The following CRACR2A variants were observed in gnomAD, a reference collection of about 807,000 sequenced individuals.
CRACR2A encodes calcium release activated channel regulator 2A.
In CRACR2A, 79 loss-of-function variants were observed where a neutral mutation model predicts 90.5. The observed-to-expected ratio is 0.87, with a 90% CI of 0.73 to 1.05. CRACR2A has a LOEUF of 1.05. Among genes scored for constraint, CRACR2A ranks in the 50% least tolerant of loss-of-function variants. The probability of loss-of-function intolerance (pLI) is 0.00; values close to 1 mark genes in which losing one functional copy is unlikely to be tolerated. For synonymous variants in CRACR2A, 338 were observed against 356.7 expected (o/e 0.95, Z 0.59); for missense variants, 823 against 897.2 (o/e 0.92, Z 1.06).
Position 3,656,296 on chromosome 12 carries a change from T to C in CRACR2A, c.858+15A>G. 1.2e-6 allele frequency: 2 copies of C among 1,613,580 alleles called. No individual in the cohort carries two copies. Among genetic ancestry groups the C allele is most frequent in the South Asian group, 1.1e-5 (1 of 91,076 alleles). On this transcript the variant is annotated intron_variant, in intron 9 of 19. Transcript: ENST00000440314. ...TGAAGAGCCAGGTACTCTGGGGCCA[T>C]GGATGGCAACATACCCTTTTCTGCT...
chr12:3,713,424 A>G, intron 2 of CRACR2A, 107 bp from the exon 3 acceptor site: 3 of 368,140 alleles, frequency 8.1e-6, no homozygotes, highest in Non-Finnish European at 1.1e-5. Flanking sequence ...CATTGCTCCT[A>G]CCGCATTGCA....
chr12:3,642,571 C>T (rs1944594210), intron 12 of CRACR2A, among the ~76,000 whole-genome samples: 1 of 152,178 alleles, frequency 6.6e-6, no homozygotes, highest in Non-Finnish European at 1.5e-5. Flanking sequence ...ATCTTTAATT[C>T]ACACTCTTCT....
rs1945018666 is a variant in CRACR2A, at chr12:3,660,865, CACACACACACACACACACACACAA to C, written c.672-1235_672-1212del. ...ACACACACACACACACACACACACA[CACACACACACACACACACACACAA>C]TTTTGGCCCCTGCCATTCTAACTTA... is the stretch of plus-strand genomic sequence containing the variant. On this transcript the variant is annotated intron_variant, in intron 7 of 19. Coordinates refer to ENST00000440314, the MANE Select transcript of CRACR2A (RefSeq NM_001144958.2). Among the ~76,000 whole-genome samples the C allele has an allele frequency of 2.0e-5, 3 of 147,282 alleles. No individual in the cohort carries two copies. The South Asian group carries it at 6.6e-4, about 33-fold the overall frequency.
rs571781166 is a variant in CRACR2A at position 3,751,919 on chromosome 12, T to A, written c.-387+1096A>T. ...ATACTAAACCATGAGGTTGTACATA[T>A]TCATTTCACCTGAAAAGGGGCATGA... On this transcript the variant is annotated intron_variant, in intron 1 of 19. Coordinates refer to ENST00000440314, the MANE Select transcript of CRACR2A (RefSeq NM_001144958.2). 3.9e-5 allele frequency among the ~76,000 whole-genome samples: 6 copies of A among 152,316 alleles called. No homozygotes were observed. The South Asian group carries it at 8.3e-4, about 21-fold the overall frequency.
At chr12:3,654,597 G>A (rs1944865360) in intron 9 of CRACR2A, among the ~76,000 whole-genome samples, 198 bp from the exon 10 acceptor site, 1 of 152,188 alleles carries the variant, frequency 6.6e-6, no homozygotes, top group Admixed American at 6.5e-5. Flanking sequence ...GGAGCTTTCA[G>A]ACACATCTTG....
At chr12:3,635,891 A>G (rs1322653186) in intron 14 of CRACR2A, among the ~76,000 whole-genome samples, 1 of 152,170 alleles carries the variant, frequency 6.6e-6, no homozygotes, top group African/African-American at 2.4e-5. Flanking sequence ...ACTTTTCTTT[A>G]TATCATCTTT....
At chr12:3,672,890 G>A (rs969015139) in intron 7 of CRACR2A, 23 of 764,762 alleles carry the variant, frequency 3.0e-5, no homozygotes, top group African/African-American at 3.8e-5. Context: ...GGGAGAGAGC[G>A]GCCAGGAGGA....
At chr12:3,648,877 C>T (rs570258310) in intron 10 of CRACR2A, among the ~76,000 whole-genome samples, 157 of 152,286 alleles carry the variant, frequency 1.0e-3, no homozygotes, top group African/African-American at 3.4e-3. Flanking sequence ...AGACAATCCG[C>T]GACTGAACCA....
At chr12:3,737,441 C>G (rs1460056723) in intron 1 of CRACR2A, among the ~76,000 whole-genome samples, 1 of 152,122 alleles carries the variant, frequency 6.6e-6, no homozygotes, top group Non-Finnish European at 1.5e-5. Context: ...AAGTTAAAAT[C>G]TAAAAGGTTG....
intron 17 of CRACR2A, among the ~76,000 whole-genome samples, chr12:3,625,246 C>T (rs939147760): frequency 3.9e-5 from 6 of 152,070 alleles, no homozygotes; most frequent in Admixed American, 2.6e-4. Context: ...AGCCACACGC[C>T]GCTGATGATT....
intron 1 of CRACR2A, among the ~76,000 whole-genome samples, chr12:3,735,761 C>G (rs1416123738): frequency 2.0e-5 from 3 of 152,190 alleles, no homozygotes; most frequent in Non-Finnish European, 4.4e-5. Context: ...AGAGAAGCCC[C>G]CGCAGCCCCT....
At chr12:3,747,358 C>G (rs1252789354) in intron 1 of CRACR2A, among the ~76,000 whole-genome samples, 2 of 152,208 alleles carry the variant, frequency 1.3e-5, no homozygotes, top group African/African-American at 4.8e-5. Context: ...TTCTGTGCAT[C>G]AACCTTGAGG....
chr12:3,665,387 G>T (rs1945113528), intron 7 of CRACR2A, among the ~76,000 whole-genome samples: 1 of 152,178 alleles, frequency 6.6e-6, no homozygotes, highest in African/African-American at 2.4e-5. Context: ...TCAAGTCTTG[G>T]TTCTGACATT....
intron 11 of CRACR2A, chr12:3,648,274 A>T (rs1944726649): frequency 1.5e-6 from 2 of 1,372,966 alleles, no homozygotes; most frequent in Middle Eastern, 2.7e-4. Context: ...AGTACCAAGC[A>T]CAGTCCTGTG....
In CRACR2A at chr12:3,680,365, A is replaced by G; in HGVS notation, c.229-16T>C. On this transcript the variant is annotated splice_polypyrimidine_tract_variant and intron_variant, in intron 4 of 19. Transcript: ENST00000440314. Reference sequence around the variant, plus strand: ...TATGCAGCCTCTGAAAACAACCCAGAGTGTACTGGTTAACACTGACACTCA... The same window carrying G: ...TATGCAGCCTCTGAAAACAACCCAGGGTGTACTGGTTAACACTGACACTCA... 1 of 1,606,784 alleles carries G rather than the reference A, an allele frequency of 6.2e-7. No individual in the cohort carries two copies. Among genetic ancestry groups the G allele is most frequent in the South Asian group, 1.1e-5 (1 of 90,636 alleles).
intron 4 of CRACR2A, among the ~76,000 whole-genome samples, 168 bp from the exon 5 acceptor site, chr12:3,680,517 T>C (rs1195064905): frequency 6.6e-6 from 1 of 152,208 alleles, no homozygotes; most frequent in East Asian, 1.9e-4. Context: ...TCTCCTCCTT[T>C]GCATGTTAGC....
chr12:3,740,806 T>A (rs1946513276), intron 1 of CRACR2A, among the ~76,000 whole-genome samples: 1 of 152,238 alleles, frequency 6.6e-6, no homozygotes, highest in Non-Finnish European at 1.5e-5. Context: ...CCATGTGACC[T>A]CGAGCAAGTT....
intron 7 of CRACR2A, among the ~76,000 whole-genome samples, chr12:3,673,054 C>T (rs143046864): frequency 1.1e-3 from 169 of 152,316 alleles, no homozygotes; most frequent in African/African-American, 3.9e-3. Flanking sequence ...ACCTGGCTAG[C>T]TCACTCCCAG....
chr12:3,741,710 C>T (rs1946527601), intron 1 of CRACR2A, among the ~76,000 whole-genome samples: 1 of 152,198 alleles, frequency 6.6e-6, no homozygotes, highest in Non-Finnish European at 1.5e-5. Flanking sequence ...TTCCTGTCTG[C>T]CCGCTTCCAG....
Sources: allele counts gnomAD v4.1 joint callset (sites outside exome capture counted in the v4.1 genomes callset), GRCh38; gene constraint gnomAD v4.1.1; transcripts MANE v1.5; gene names NCBI Gene and HGNC (gene_info 2026-07-23, HGNC 2026-07-21).